PROS1: variants seen among roughly 807,000 people sequenced by gnomAD.
PROS1 encodes the protein vitamin K-dependent protein S.
A neutral mutation model predicts 75.9 loss-of-function variants in PROS1; 29 were observed. The ratio of observed to expected loss-of-function variants is 0.38; its 90% CI spans 0.28 to 0.52. The LOEUF (loss-of-function observed/expected upper bound fraction) is 0.52. PROS1 is among the 20% of genes least tolerant of loss of function. The pLI, the probability that PROS1 is intolerant of heterozygous loss-of-function variation, is 0.83. For missense variants in PROS1, 680 were observed against 810.3 expected (o/e 0.84, Z 1.95); for synonymous variants, 245 against 280.6 (o/e 0.87, Z 1.27).
At chr3:93,893,240 C>A in intron 9 of PROS1, 118 bp from the exon 10 acceptor site, 3 of 956,812 alleles carry the variant, frequency 3.1e-6, no homozygotes, top group South Asian at 1.5e-5. Context: ...TTATTTATTT[C>A]TTTTTCTGGA....
At chr3:93,950,355 T>C (rs1038667853) in intron 1 of PROS1, among the ~76,000 whole-genome samples, 7 of 152,144 alleles carry the variant, frequency 4.6e-5, no homozygotes, top group African/African-American at 1.4e-4. Context: ...AGCACGGAGT[T>C]TGATATCTGA....
rs148234743 is a variant in PROS1, at chr3:93,877,075, C to T, written c.1761G>A (p.Ser587=). ...FRVNRNNLEL[S]TPLKIETISH... Reference sequence around the variant, plus strand: ...AGATGGTTTCTATTTTAAGTGGTGTCGACAACTCCAGATTGTTTCTGTTGA... The same window carrying T: ...AGATGGTTTCTATTTTAAGTGGTGTTGACAACTCCAGATTGTTTCTGTTGA... The change falls in exon 14 of 15, where the codon TCG becomes TCA. Residue 587 remains serine, a synonymous_variant. Coordinates refer to ENST00000394236, the MANE Select transcript of PROS1 (RefSeq NM_000313.4). 21 of 1,613,030 alleles carry T rather than the reference C, an allele frequency of 1.3e-5. No homozygotes were observed. The highest frequency in any genetic ancestry group is 1.7e-5 in the Admixed American group (1 of 59,986).
At chr3:93,894,994 G>A (rs987711807) in intron 9 of PROS1, among the ~76,000 whole-genome samples, 15 of 152,102 alleles carry the variant, frequency 9.9e-5, no homozygotes, top group African/African-American at 3.6e-4. Flanking sequence ...TTGGCTCCAG[G>A]ACCTCTGGAT....
chr3:93,899,298 A>T (rs1166038633), intron 7 of PROS1, among the ~76,000 whole-genome samples: 1 of 152,096 alleles, frequency 6.6e-6, no homozygotes, highest in Admixed American at 6.6e-5. Flanking sequence ...TCAGAGTTAT[A>T]TAAGATCATT....
chr3:93,936,017 T>G (rs1709177545), intron 1 of PROS1, among the ~76,000 whole-genome samples: 1 of 151,090 alleles, frequency 6.6e-6, no homozygotes, highest in African/African-American at 2.4e-5. Context: ...TTTTTCATAG[T>G]AAGTAAAATG....
At chr3:93,949,046 A>G (rs764120658) in intron 1 of PROS1, among the ~76,000 whole-genome samples, 8 of 152,220 alleles carry the variant, frequency 5.3e-5, no homozygotes, top group Non-Finnish European at 1.2e-4. Flanking sequence ...ATCAGGCTCC[A>G]GGATTCTCAT....
intron 4 of PROS1, among the ~76,000 whole-genome samples, chr3:93,910,300 T>C (rs1253446890): frequency 6.6e-6 from 1 of 152,164 alleles, no homozygotes; most frequent in Non-Finnish European, 1.5e-5. Context: ...TACTGTAACA[T>C]TTAGTCACAC....
At chr3:93,938,818 C>A (rs1046017118) in intron 1 of PROS1, among the ~76,000 whole-genome samples, 4 of 152,112 alleles carry the variant, frequency 2.6e-5, no homozygotes, top group Admixed American at 1.3e-4. Context: ...TGATTATTCA[C>A]CCACACTCCA....
At position 93,887,349 on chromosome 3, in the gene PROS1, G is replaced by T. The variant is rs186018349; in HGVS notation, c.1156-846C>A. 6.8e-4 allele frequency among the ~76,000 whole-genome samples: 103 copies of T among 152,294 alleles called. 1 individual carries two copies. Among genetic ancestry groups the T allele is most frequent in the African/African-American group, 2.3e-3 (96 of 41,568 alleles). On this transcript the variant is annotated intron_variant, in intron 10 of 14. Transcript: ENST00000394236. Reference sequence around the variant, plus strand: ...AAAAAATACATAAAATTAAATTGGAGTTTTCCAATTTTGAGAGTTGTTTGG... The same window carrying T: ...AAAAAATACATAAAATTAAATTGGATTTTTCCAATTTTGAGAGTTGTTTGG...
At chr3:93,903,851 C>A (rs2107167684) in intron 6 of PROS1, among the ~76,000 whole-genome samples, 1 of 151,732 alleles carries the variant, frequency 6.6e-6, no homozygotes, top group East Asian at 1.9e-4. Context: ...TTCTAGGGTA[C>A]ATGTGCACAT....
chr3:93,936,094 C>G lies in PROS1; in HGVS notation c.77-8687G>C, dbSNP rs114915449. On this transcript the variant is annotated intron_variant, in intron 1 of 14. Transcript: ENST00000394236. ...ACTGAATGTGTCCCCATCTCCCCCC[C>G]ACACCCCTTCCCCGCTCCAAATTCA... 3.1e-3 allele frequency among the ~76,000 whole-genome samples: 468 copies of G among 151,890 alleles called. 3 individuals carry two copies. Among genetic ancestry groups the G allele is most frequent in the African/African-American group, 0.011 (441 of 41,402 alleles).
intron 1 of PROS1, among the ~76,000 whole-genome samples, chr3:93,941,433 A>G (rs1709286191): frequency 1.3e-5 from 2 of 152,184 alleles, no homozygotes; most frequent in African/African-American, 4.8e-5. Context: ...ACAAAACAAC[A>G]GCTCCTTTCC....
At chr3:93,923,506 C>T (rs941789697) in intron 3 of PROS1, among the ~76,000 whole-genome samples, 1 of 152,130 alleles carries the variant, frequency 6.6e-6, no homozygotes, top group East Asian at 1.9e-4. Context: ...TCTTGATATA[C>T]TATCTTTTCT....
At chr3:93,904,489 A>G (rs190785061) in intron 6 of PROS1, among the ~76,000 whole-genome samples, 1 of 152,342 alleles carries the variant, frequency 6.6e-6, no homozygotes, top group African/African-American at 2.4e-5. Context: ...AGTACATTTT[A>G]TCATACTAAA....
intron 1 of PROS1, among the ~76,000 whole-genome samples, chr3:93,948,652 CAAT>C (rs1043733582): frequency 1.3e-5 from 2 of 152,088 alleles, no homozygotes; most frequent in Admixed American, 6.6e-5. Context: ...GAACAATAAA[CAAT>C]AATGTTTAGA....
In PROS1 at chr3:93,873,791, C is replaced by T. The variant is rs539871594; in HGVS notation, c.*454G>A. ...TCCATTCAATTCATATTTAATAGAC[C>T]ACCATCTCTTCTGCCTTCATCAGGA... is the stretch of plus-strand genomic sequence containing the variant. On this transcript the variant is annotated 3_prime_UTR_variant, in exon 15 of 15. Transcript: ENST00000394236. 368 of 179,870 alleles carry T rather than the reference C, an allele frequency of 2.0e-3. 1 individual carries two copies. The highest frequency in any genetic ancestry group is 8.3e-3 in the African/African-American group (344 of 41,658). The allele number at this position is 179,870 out of a possible 1,614,324, so 11.1% of individuals were successfully genotyped here. A position where few individuals can be genotyped will look rare whatever the true frequency, so the allele number is the denominator to read the frequency against.
intron 1 of PROS1, among the ~76,000 whole-genome samples, chr3:93,937,246 C>T (rs112496924): frequency 4.7e-4 from 71 of 152,250 alleles, no homozygotes; most frequent in South Asian, 2.3e-3. Context: ...GCAGGCAGTA[C>T]GTGACAGGGG....
intron 1 of PROS1, among the ~76,000 whole-genome samples, chr3:93,932,100 A>G (rs541062335): frequency 7.2e-5 from 11 of 152,252 alleles, no homozygotes; most frequent in Non-Finnish European, 1.5e-4. Flanking sequence ...ATTGGCTCAA[A>G]GTTCTTCTGC....
rs1708451982 is a variant in PROS1, at chr3:93,892,813, C to G, written c.1155+120G>C. 3.5e-6 allele frequency: 3 copies of G among 860,664 alleles called. No homozygotes were observed. In the Admixed American group the frequency reaches 5.5e-5, roughly 16 times the overall value. The allele number at this position is 860,664 out of a possible 1,614,324, so 53.3% of individuals were successfully genotyped here. ...AGGGATTTACAGTATGTAGAATATA[C>G]CTCATATAGCATCAGATAACTCCAA... On this transcript the variant is annotated intron_variant, in intron 10 of 14. Coordinates refer to ENST00000394236, the MANE Select transcript of PROS1 (RefSeq NM_000313.4).
Sources: allele counts gnomAD v4.1 joint callset (sites outside exome capture counted in the v4.1 genomes callset), GRCh38; gene constraint gnomAD v4.1.1; transcripts MANE v1.5; gene names NCBI Gene and HGNC (gene_info 2026-07-23, HGNC 2026-07-21).